Variants in E2F3 observed in about 807,000 individuals in gnomAD.
The protein encoded by E2F3 is transcription factor E2F3.
Under a neutral mutation model 44.4 loss-of-function variants are expected in E2F3, and 11 were observed. That is an observed-to-expected ratio of 0.25 (90% CI 0.16 to 0.41). E2F3 has a LOEUF of 0.41. E2F3 is among the 10% of genes least tolerant of loss of function. The probability of loss-of-function intolerance (pLI) is 1.00; values close to 1 mark genes in which losing one functional copy is unlikely to be tolerated. For missense variants in E2F3, 487 were observed against 583.6 expected (o/e 0.83, Z 1.70); for synonymous variants, 249 against 253.0 (o/e 0.98, Z 0.15).
chr6:20,429,672 A>C (rs1000231240), intron 1 of E2F3, among the ~76,000 whole-genome samples: 4 of 151,846 alleles, frequency 2.6e-5, no homozygotes, highest in Non-Finnish European at 5.9e-5. Context: ...AGATATGTAC[A>C]ATTTTGAGAC....
At chr6:20,476,886 T>G (rs1762063033) in intron 1 of E2F3, among the ~76,000 whole-genome samples, 1 of 152,174 alleles carries the variant, frequency 6.6e-6, no homozygotes, top group Non-Finnish European at 1.5e-5. Context: ...GAGGGGAAGA[T>G]GAAGTCCAGC....
chr6:20,454,301 G>C (rs1761237471), intron 1 of E2F3, among the ~76,000 whole-genome samples: 1 of 152,234 alleles, frequency 6.6e-6, no homozygotes, highest in Non-Finnish European at 1.5e-5. Flanking sequence ...AGGTGTTTCT[G>C]AGCATGCTCA....
chr6:20,470,138 GCATAACA>G (rs775197842), intron 1 of E2F3, among the ~76,000 whole-genome samples: 7 of 152,114 alleles, frequency 4.6e-5, no homozygotes, highest in Non-Finnish European at 1.0e-4. Context: ...TCCCTTATCT[GCATAACA>G]CAGCTCAAGA....
At chr6:20,450,417 G>A (rs1761090692) in intron 1 of E2F3, among the ~76,000 whole-genome samples, 1 of 152,026 alleles carries the variant, frequency 6.6e-6, no homozygotes, top group Non-Finnish European at 1.5e-5. Context: ...TGCATCACAT[G>A]TGTGTCTTTT....
At position 20,457,563 on chromosome 6, in the gene E2F3, T is replaced by C. The variant is rs113966145; in HGVS notation, c.394-22283T>C. ...TTACCTAGAATTGTAGGAAGGTATATAGGATAGACGTAGCAAAGAGGTAAG... is the reference window on the plus strand; with the variant it reads ...TTACCTAGAATTGTAGGAAGGTATACAGGATAGACGTAGCAAAGAGGTAAG... On this transcript the variant is annotated intron_variant, in intron 1 of 6. Coordinates refer to ENST00000346618, the MANE Select transcript of E2F3 (RefSeq NM_001949.5). 2.3e-3 allele frequency among the ~76,000 whole-genome samples: 355 copies of C among 152,158 alleles called. 1 individual carries two copies. Among genetic ancestry groups the C allele is most frequent in the Admixed American group, 4.5e-3 (68 of 15,276 alleles).
At chr6:20,424,191 T>A (rs534815036) in intron 1 of E2F3, among the ~76,000 whole-genome samples, 25 of 143,192 alleles carry the variant, frequency 1.7e-4, no homozygotes, top group Non-Finnish European at 3.5e-4. Flanking sequence ...ATTATTTTGA[T>A]CTTTAACCTC....
At chr6:20,479,604 G>A (rs1460712027) in intron 1 of E2F3, among the ~76,000 whole-genome samples, 1 of 152,192 alleles carries the variant, frequency 6.6e-6, no homozygotes, top group Non-Finnish European at 1.5e-5. Flanking sequence ...CTGAAGGATC[G>A]CTGTGTTTGT....
intron 1 of E2F3, among the ~76,000 whole-genome samples, chr6:20,425,738 C>T (rs1202484907): frequency 1.3e-5 from 2 of 152,154 alleles, no homozygotes; most frequent in African/African-American, 4.8e-5. Flanking sequence ...CGTGTCTTAG[C>T]TCTCTAGTGG....
chr6:20,426,910 A>G (rs1561855277), intron 1 of E2F3, among the ~76,000 whole-genome samples: 1 of 152,182 alleles, frequency 6.6e-6, no homozygotes, highest in African/African-American at 2.4e-5. Flanking sequence ...TTGAAATTAG[A>G]CCTAGAATCT....
Position 20,491,538 on chromosome 6 carries a change from G to A in E2F3, c.*1108G>A, listed in dbSNP as rs1440488289. 4.7e-6 allele frequency: 1 copy of A among 214,928 alleles called. No homozygotes were observed. The highest frequency in any genetic ancestry group is 2.3e-5 in the African/African-American group (1 of 44,296). 13.3% of individuals were successfully genotyped at this position (214,928 alleles called of 1,614,324 possible). ...GGTCAGATGATGTAACAGCCCCAAG[G>A]AGCAGCAGGCATGGGTCCCTCCATC... On this transcript the variant is annotated 3_prime_UTR_variant, in exon 7 of 7. Coordinates refer to ENST00000346618, the MANE Select transcript of E2F3 (RefSeq NM_001949.5).
chr6:20,481,727 A>G lies in E2F3; in HGVS notation c.725+302A>G, dbSNP rs113316660. ...AAGTGGACTGCTGTTCATCTGTTAC[A>G]TAGATGTCTGTGTGCACCCACGTGT... On this transcript the variant is annotated intron_variant, in intron 3 of 6. Transcript: ENST00000346618. 8.9e-4 allele frequency among the ~76,000 whole-genome samples: 136 copies of G among 152,216 alleles called. 1 individual carries two copies. The highest frequency in any genetic ancestry group is 3.1e-3 in the African/African-American group (129 of 41,564).
At chr6:20,415,392 T>C (rs746773301) in intron 1 of E2F3, among the ~76,000 whole-genome samples, 45 of 152,178 alleles carry the variant, frequency 3.0e-4, no homozygotes, top group Non-Finnish European at 4.1e-4. Context: ...GTCAGATACT[T>C]CTCCGTGGTG....
intron 1 of E2F3, among the ~76,000 whole-genome samples, chr6:20,451,696 T>C (rs954284763): frequency 2.6e-5 from 4 of 152,222 alleles, no homozygotes; most frequent in Non-Finnish European, 4.4e-5. Context: ...GGCTGTGGAT[T>C]TGTCATCGAT....
chr6:20,467,061 C>T (rs1172618625), intron 1 of E2F3, among the ~76,000 whole-genome samples: 1 of 152,120 alleles, frequency 6.6e-6, no homozygotes, highest in Admixed American at 6.6e-5. Context: ...ACTCTTCCCC[C>T]CTACCCTTCA....
intron 1 of E2F3, among the ~76,000 whole-genome samples, chr6:20,460,731 C>G (rs897700217): frequency 2.0e-5 from 3 of 152,098 alleles, no homozygotes; most frequent in African/African-American, 4.8e-5. Context: ...CATGGTGGCT[C>G]ACGCCCGTAA....
At chr6:20,440,883 T>C (rs1168225776) in intron 1 of E2F3, among the ~76,000 whole-genome samples, 2 of 151,620 alleles carry the variant, frequency 1.3e-5, no homozygotes, top group African/African-American at 2.4e-5. Context: ...GGGAAAAGGG[T>C]CAGGAGTAGG....
intron 1 of E2F3, chr6:20,421,987 G>T (rs1760044991): frequency 6.6e-6 from 1 of 152,236 alleles, no homozygotes; most frequent in African/African-American, 2.4e-5. Flanking sequence ...TAACCAAAGA[G>T]TCAGCCTGTC....
Position 20,488,175 on chromosome 6 carries a change from G to C in E2F3, c.1062G>C (p.Glu354Asp), listed in dbSNP as rs757539019. 1 of 1,613,802 alleles carries C rather than the reference G, an allele frequency of 6.2e-7. No homozygotes were observed. The highest frequency in any genetic ancestry group is 8.5e-7 in the Non-Finnish European group (1 of 1,179,990). Residue 354 changes from glutamate to aspartate, a missense_variant, in exon 6 of 7, where the codon GAG (glutamate) becomes GAC (aspartate). Transcript: ENST00000346618. ...GPIEVYLCPE[E>D]TETHSPMKTN... ...TTGAGGTTTACTTATGTCCAGAAGA[G>C]ACTGAAACACACAGTCCAATGAAAA...
intron 1 of E2F3, among the ~76,000 whole-genome samples, chr6:20,432,672 A>G (rs1051235174): frequency 7.9e-5 from 12 of 152,300 alleles, no homozygotes; most frequent in African/African-American, 2.6e-4. Context: ...GTATGTGAAA[A>G]TGGGATAGAT....
Sources: gnomAD v4.1 joint callset for allele counts (sites outside exome capture counted in the v4.1 genomes callset) on GRCh38, gnomAD v4.1.1 for gene constraint, MANE v1.5 for transcripts, NCBI Gene and HGNC (gene_info 2026-07-23, HGNC 2026-07-21) for gene names.